Variants in HLCS observed in about 807,000 individuals in gnomAD.
HLCS encodes biotin--protein ligase.
HLCS carries 53 observed loss-of-function variants against 75.0 expected under a neutral mutation model. The observed-to-expected ratio is 0.71, with a 90% confidence interval of 0.57 to 0.89. The LOEUF (loss-of-function observed/expected upper bound fraction) is 0.89, where lower values mean the gene tolerates loss of function less well. HLCS is among the 40% of genes least tolerant of loss of function. The pLI, the probability that HLCS is intolerant of heterozygous loss-of-function variation, is 0.00. For synonymous variants in HLCS, 431 were observed against 428.6 expected (o/e 1.01, Z -0.07); for missense variants, 966 against 1,074.0 (o/e 0.90, Z 1.41).
chr21:36,962,198 G>A, intron 1 of HLCS, 28 bp from the exon 2 acceptor site: 1 of 1,259,818 alleles, frequency 7.9e-7, no homozygotes, highest in Non-Finnish European at 1.0e-6. Context: ...AATATAATGA[G>A]ATTGTCACTT....
intron 7 of HLCS, among the ~76,000 whole-genome samples, chr21:36,766,771 GC>G (rs1317908662): frequency 6.6e-6 from 1 of 152,154 alleles, no homozygotes; most frequent in Non-Finnish European, 1.5e-5. Context: ...GGGCACTGAT[GC>G]AGAGCCCACC....
rs568902555 is a variant in HLCS, at chr21:36,915,030, G to A, written c.1620+15221C>T. Among the ~76,000 whole-genome samples the A allele has an allele frequency of 5.9e-5, 9 of 152,350 alleles. No homozygotes were observed. The South Asian group carries it at 1.7e-3, about 28-fold the overall frequency. On this transcript the variant is annotated intron_variant, in intron 5 of 10. Coordinates refer to ENST00000674895, the MANE Select transcript of HLCS (RefSeq NM_001352514.2). ...CATCCTAGCCGACATGCACACCAAC[G>A]TGACCATTCACACGTTCCCTTCCTT...
At chr21:36,868,208 G>T (rs1245865659) in intron 6 of HLCS, among the ~76,000 whole-genome samples, 1 of 142,914 alleles carries the variant, frequency 7.0e-6, no homozygotes, top group Admixed American at 6.9e-5. Context: ...AAAAGGGAAG[G>T]GAAGGGAAAA....
At chr21:36,850,973 C>T (rs1020739289) in intron 6 of HLCS, among the ~76,000 whole-genome samples, 4 of 152,134 alleles carry the variant, frequency 2.6e-5, no homozygotes, top group Non-Finnish European at 4.4e-5. Flanking sequence ...TGTTGAGGGG[C>T]TGTAGCCTAC....
At chr21:36,922,184 T>C (rs573637704) in intron 5 of HLCS, among the ~76,000 whole-genome samples, 29 of 152,176 alleles carry the variant, frequency 1.9e-4, no homozygotes, top group Non-Finnish European at 3.1e-4. Flanking sequence ...GTAGCTCCAA[T>C]GATCAATGAG....
At chr21:36,756,282 CA>C (rs35509622) in intron 10 of HLCS, among the ~76,000 whole-genome samples, 6 of 151,460 alleles carry the variant, frequency 4.0e-5, no homozygotes, top group Non-Finnish European at 8.8e-5. Flanking sequence ...ACTAAAAATA[CA>C]AAAAATTAGC....
At chr21:36,893,063 CA>C (rs1419949719) in intron 6 of HLCS, among the ~76,000 whole-genome samples, 1 of 152,056 alleles carries the variant, frequency 6.6e-6, no homozygotes, top group African/African-American at 2.4e-5. Context: ...GCATGAGCCA[CA>C]AAAAAAGTAT....
chr21:36,939,504 G>T (rs1414177178), intron 2 of HLCS, among the ~76,000 whole-genome samples: 2 of 152,186 alleles, frequency 1.3e-5, no homozygotes, highest in African/African-American at 4.8e-5. Flanking sequence ...TGGAGTTGAA[G>T]TCCAGGAATC....
intron 9 of HLCS, 100 bp downstream of exon 9, chr21:36,759,627 A>G (rs2089748716): frequency 2.6e-6 from 2 of 756,180 alleles, no homozygotes; most frequent in Non-Finnish European, 4.8e-6. Context: ...GTAACCTCAT[A>G]TGATAATCTG....
At chr21:36,946,057 G>C (rs572777935) in intron 2 of HLCS, 2 of 966,420 alleles carry the variant, frequency 2.1e-6, no homozygotes, top group South Asian at 4.8e-5. Context: ...TAAAGTGCCT[G>C]GGCCACAAGG....
intron 6 of HLCS, among the ~76,000 whole-genome samples, chr21:36,878,768 A>C (rs893421117): frequency 1.3e-5 from 2 of 152,230 alleles, no homozygotes; most frequent in East Asian, 3.8e-4. Context: ...TAATAAGATT[A>C]GTATACAAGT....
At position 36,882,283 on chromosome 21, in the gene HLCS, G is replaced by GA. The variant is rs565819180; in HGVS notation, c.1892+14576dup. On this transcript the variant is annotated intron_variant, in intron 6 of 10. Transcript: ENST00000674895. ...GGTGACAGAGCGAGACTTCGTCTTG[G>GA]AAAAAAAAAATTAAGCCACAGATCT... Among the ~76,000 whole-genome samples, 28 of 148,494 alleles carry GA rather than the reference G, an allele frequency of 1.9e-4. No homozygotes were observed. In the South Asian group the frequency reaches 4.5e-3, roughly 24 times the overall value.
chr21:36,809,033 G>A (rs2061435653), intron 6 of HLCS, among the ~76,000 whole-genome samples: 3 of 151,970 alleles, frequency 2.0e-5, no homozygotes, highest in South Asian at 4.2e-4. Flanking sequence ...GGACCACATG[G>A]TGAGACCCTG....
intron 6 of HLCS, among the ~76,000 whole-genome samples, chr21:36,829,308 C>G (rs1046404433): frequency 6.6e-6 from 1 of 152,200 alleles, no homozygotes; most frequent in Non-Finnish European, 1.5e-5. Flanking sequence ...CTTCCCCGCC[C>G]ACCTCTGTCA....
At chr21:36,852,731 C>A (rs143030273) in intron 6 of HLCS, among the ~76,000 whole-genome samples, 9 of 152,142 alleles carry the variant, frequency 5.9e-5, no homozygotes, top group Non-Finnish European at 1.3e-4. Flanking sequence ...TATTCTAAGA[C>A]CTTGAGGACC....
chr21:36,867,459 G>C (rs933437684), intron 6 of HLCS, among the ~76,000 whole-genome samples: 1 of 152,128 alleles, frequency 6.6e-6, no homozygotes, highest in Non-Finnish European at 1.5e-5. Flanking sequence ...CAGAATTTTG[G>C]CTGCAAAGTG....
chr21:36,889,754 C>A (rs1335372573), intron 6 of HLCS, among the ~76,000 whole-genome samples: 2 of 152,208 alleles, frequency 1.3e-5, no homozygotes, highest in African/African-American at 2.4e-5. Context: ...CAGACTGGAC[C>A]CATGTCCCTG....
At chr21:36,927,863 A>C (rs761753169) in intron 5 of HLCS, among the ~76,000 whole-genome samples, 2 of 152,236 alleles carry the variant, frequency 1.3e-5, no homozygotes, top group African/African-American at 4.8e-5. Flanking sequence ...GGGCACAGGA[A>C]GCAGAAAGCC....
chr21:36,808,150 G>C (rs1601338859), intron 6 of HLCS, among the ~76,000 whole-genome samples: 1 of 151,634 alleles, frequency 6.6e-6, no homozygotes, highest in South Asian at 2.1e-4. Context: ...TATGTTACAT[G>C]GGTGACTATA....
Sources: gnomAD v4.1 joint callset for allele counts (sites outside exome capture counted in the v4.1 genomes callset) on GRCh38, gnomAD v4.1.1 for gene constraint, MANE v1.5 for transcripts, NCBI Gene and HGNC (gene_info 2026-07-23, HGNC 2026-07-21) for gene names.